CDC123: variants seen among roughly 807,000 people sequenced by gnomAD.
CDC123 encodes the protein translation initiation factor eIF2 assembly protein.
Under a neutral mutation model 54.4 loss-of-function variants are expected in CDC123, and 37 were observed. The observed-to-expected ratio is 0.68, with a 90% CI of 0.52 to 0.89. The LOEUF is 0.89. Ranked by LOEUF, CDC123 falls within the 40% of genes least tolerant of loss-of-function variation. The pLI is 0.00. For missense variants in CDC123, 361 were observed against 412.1 expected, an observed-to-expected ratio of 0.88 and a Z score of 1.07; for synonymous variants, 144 against 136.8, an observed-to-expected ratio of 1.05 and a Z score of -0.37.
intron 6 of CDC123, among the ~76,000 whole-genome samples, chr10:12,223,573 A>G (rs1835765072): frequency 6.6e-6 from 1 of 152,232 alleles, no homozygotes; most frequent in Admixed American, 6.5e-5. Flanking sequence ...GGCATGAGCC[A>G]CTACACCGGG....
At chr10:12,233,582 T>A (rs532281528) in intron 7 of CDC123, among the ~76,000 whole-genome samples, 1 of 152,252 alleles carries the variant, frequency 6.6e-6, no homozygotes, top group African/African-American at 2.4e-5. Context: ...GTAAAACCAC[T>A]GTAGCCTATA....
chr10:12,231,365 G>A (rs569556444), intron 7 of CDC123, among the ~76,000 whole-genome samples: 211 of 152,294 alleles, frequency 1.4e-3, no homozygotes, highest in African/African-American at 4.8e-3. Context: ...GCTCACGCCT[G>A]TAATCCCAGC....
At chr10:12,219,978 G>A (rs551814121) in intron 6 of CDC123, among the ~76,000 whole-genome samples, 24 of 152,184 alleles carry the variant, frequency 1.6e-4, no homozygotes, top group Admixed American at 3.9e-4. Flanking sequence ...GTGGGCCACC[G>A]CACCCGGCCA....
In CDC123 at chr10:12,249,299, G is replaced by A. The variant is rs150935157; in HGVS notation, c.847-282G>A. Among the ~76,000 whole-genome samples the A allele has an allele frequency of 2.0e-3, 308 of 152,170 alleles. 3 individuals are homozygous for A. The highest frequency in any genetic ancestry group is 7.1e-3 in the African/African-American group (296 of 41,508). ...TAAAATTTAAAAAACTCAGCTGGGC[G>A]TGGTGGCGCATGCCTATAGTCCCAG... is the stretch of plus-strand genomic sequence containing the variant. On this transcript the variant is annotated intron_variant, in intron 11 of 12. Coordinates refer to ENST00000281141, the MANE Select transcript of CDC123 (RefSeq NM_006023.3).
chr10:12,223,021 A>G (rs1462093098), intron 6 of CDC123, among the ~76,000 whole-genome samples: 1 of 151,790 alleles, frequency 6.6e-6, no homozygotes, highest in Non-Finnish European at 1.5e-5. Context: ...CCTCCCGAGT[A>G]GCTGGGACTA....
chr10:12,218,375 G>A (rs1045862712), intron 6 of CDC123, among the ~76,000 whole-genome samples: 2 of 151,538 alleles, frequency 1.3e-5, no homozygotes, highest in Non-Finnish European at 2.9e-5. Flanking sequence ...AAGTAGCCGG[G>A]ACTACAGGCA....
intron 4 of CDC123, among the ~76,000 whole-genome samples, chr10:12,211,832 G>A (rs1468870651): frequency 6.6e-6 from 1 of 152,168 alleles, no homozygotes; most frequent in Non-Finnish European, 1.5e-5. Context: ...AGATGGGCCT[G>A]GCGCGGTGGC....
intron 2 of CDC123, among the ~76,000 whole-genome samples, chr10:12,202,099 T>C (rs1835447746): frequency 6.6e-6 from 1 of 152,178 alleles, no homozygotes; most frequent in Non-Finnish European, 1.5e-5. Context: ...CTTCTACAGA[T>C]AAAAACTTGA....
chr10:12,210,100 G>T, intron 3 of CDC123, 76 bp downstream of exon 3: 1 of 1,519,916 alleles, frequency 6.6e-7, no homozygotes. Flanking sequence ...CTGACTTGTA[G>T]ATCTTATCTT....
intron 8 of CDC123, among the ~76,000 whole-genome samples, chr10:12,236,218 G>C (rs2131759797): frequency 6.6e-6 from 1 of 152,304 alleles, no homozygotes; most frequent in Non-Finnish European, 1.5e-5. Context: ...TTGATTATGT[G>C]TGCAGGTTTA....
chr10:12,200,187 C>T (rs1252717732), intron 2 of CDC123, among the ~76,000 whole-genome samples: 2 of 131,552 alleles, frequency 1.5e-5, no homozygotes, highest in Admixed American at 1.8e-4. Flanking sequence ...AGTGCAGTGG[C>T]TCAATCTCAG....
At chr10:12,213,176 G>C (rs7896600) in intron 4 of CDC123, among the ~76,000 whole-genome samples, 37,935 of 152,074 alleles carry the variant, frequency 0.25, 5,069 homozygotes, top group East Asian at 0.54. Flanking sequence ...TCTTTTCTAA[G>C]TATCTTCACC....
At chr10:12,249,146 A>C (rs990783843) in intron 11 of CDC123, among the ~76,000 whole-genome samples, 1 of 120,954 alleles carries the variant, frequency 8.3e-6, no homozygotes, top group Non-Finnish European at 1.8e-5. Context: ...AAAAAAAAAT[A>C]GTTTGGCATG....
At chr10:12,214,073 T>C (rs1588673093) in intron 4 of CDC123, among the ~76,000 whole-genome samples, 1 of 152,172 alleles carries the variant, frequency 6.6e-6, no homozygotes, top group East Asian at 1.9e-4. Flanking sequence ...TAATTTAAAT[T>C]TGTTTTAGGA....
At chr10:12,229,289 G>C (rs965837761) in intron 6 of CDC123, among the ~76,000 whole-genome samples, 2 of 152,186 alleles carry the variant, frequency 1.3e-5, no homozygotes, top group African/African-American at 2.4e-5. Flanking sequence ...TCTCCCTTGC[G>C]TAGTTGGAGA....
At chr10:12,210,962 A>G (rs1464130806) in intron 4 of CDC123, among the ~76,000 whole-genome samples, 3 of 152,148 alleles carry the variant, frequency 2.0e-5, no homozygotes, top group African/African-American at 7.2e-5. Flanking sequence ...TCGGCCTCCC[A>G]AAGTCCTGAG....
chr10:12,248,634 C>T (rs1836192442), intron 11 of CDC123, among the ~76,000 whole-genome samples: 3 of 150,896 alleles, frequency 2.0e-5, no homozygotes, highest in Non-Finnish European at 2.9e-5. Flanking sequence ...GGAGAAACCC[C>T]GTCTCTACTA....
At chr10:12,249,431 C>T in intron 11 of CDC123, 150 bp from the exon 12 acceptor site, 1 of 799,768 alleles carries the variant, frequency 1.3e-6, no homozygotes, top group Non-Finnish European at 1.9e-6. Flanking sequence ...CCGTGCCCGG[C>T]TCATTTTAAC....
At chr10:12,200,892 C>T (rs1030552834) in intron 2 of CDC123, among the ~76,000 whole-genome samples, 3 of 151,846 alleles carry the variant, frequency 2.0e-5, no homozygotes, top group African/African-American at 4.8e-5. Context: ...GAGATCATGC[C>T]ATTGCGCTCC....
Sources: allele counts gnomAD v4.1 joint callset (sites outside exome capture counted in the v4.1 genomes callset), GRCh38; gene constraint gnomAD v4.1.1; transcripts MANE v1.5; gene names NCBI Gene and HGNC (gene_info 2026-07-23, HGNC 2026-07-21).